Variants in NEDD4 observed in about 807,000 individuals in gnomAD.
NEDD4 encodes the protein NEDD4 E3 ubiquitin protein ligase.
In NEDD4, 99 loss-of-function variants were observed where a neutral mutation model predicts 144.9. The ratio of observed to expected loss-of-function variants is 0.68; its 90% CI spans 0.58 to 0.81. The LOEUF (loss-of-function observed/expected upper bound fraction) is 0.81. NEDD4 is among the 30% of genes least tolerant of loss of function. NEDD4 has a pLI of 0.00. For synonymous variants in NEDD4, 318 were observed against 350.6 expected, an observed-to-expected ratio of 0.91 and a Z score of 1.04; for missense variants, 985 against 1,065.9, an observed-to-expected ratio of 0.92 and a Z score of 1.06.
intron 4 of NEDD4, among the ~76,000 whole-genome samples, chr15:55,940,145 T>C (rs983622894): frequency 1.2e-4 from 18 of 152,216 alleles, no homozygotes; most frequent in Non-Finnish European, 2.1e-4. Flanking sequence ...TCACAAAAAG[T>C]ATCTAAAATA....
intron 5 of NEDD4, among the ~76,000 whole-genome samples, chr15:55,891,993 C>T (rs758359897): frequency 1.3e-5 from 2 of 151,954 alleles, no homozygotes; most frequent in Non-Finnish European, 1.5e-5. Flanking sequence ...AGGCTGGGCA[C>T]GGTGGCTCAT....
intron 2 of NEDD4, chr15:55,952,524 C>G (rs1271007058): frequency 1.1e-4 from 16 of 152,054 alleles, no homozygotes; most frequent in Admixed American, 9.2e-4. Flanking sequence ...CCACGAAGTA[C>G]CCTCCAAACT....
chr15:55,860,407 T>C lies in NEDD4; in HGVS notation c.960A>G (p.Ser320=), dbSNP rs1328475075. 4 of 1,613,898 alleles carry C rather than the reference T, an allele frequency of 2.5e-6. No individual in the cohort carries two copies. In the African/African-American group the frequency reaches 4.0e-5, roughly 16 times the overall value. The change falls in exon 11 of 29, where the codon TCA becomes TCG. Residue 320 remains serine (S), a splice_region_variant and synonymous_variant. Coordinates refer to ENST00000435532, the MANE Select transcript of NEDD4 (RefSeq NM_006154.4). ...NSAVSQPASS[S]NHSSRRGSLQ... is the part of the protein sequence containing the mutation. ...GTAACAAAATCTAAGAGCATCTTAC[T>C]GAGCTCGATGCTGGCTGGCTCACGG...
chr15:55,981,489 G>A (rs778393773), intron 1 of NEDD4, among the ~76,000 whole-genome samples: 9 of 152,012 alleles, frequency 5.9e-5, no homozygotes, highest in Non-Finnish European at 1.2e-4. Context: ...TATTTGAAAC[G>A]ATCTATAAAA....
chr15:55,898,116 A>G (rs534254728), intron 5 of NEDD4, among the ~76,000 whole-genome samples: 46 of 152,248 alleles, frequency 3.0e-4, no homozygotes, highest in Non-Finnish European at 5.7e-4. Flanking sequence ...ACCCCACTTA[A>G]TAGTTTAAGT....
At chr15:55,919,534 A>G (rs1239614529) in intron 5 of NEDD4, among the ~76,000 whole-genome samples, 4 of 152,200 alleles carry the variant, frequency 2.6e-5, no homozygotes, top group African/African-American at 9.7e-5. Flanking sequence ...TACTGCTATT[A>G]TAGCAGTTAC....
intron 8 of NEDD4, among the ~76,000 whole-genome samples, chr15:55,866,220 CT>C (rs199861047): frequency 1.7e-4 from 25 of 147,316 alleles, no homozygotes; most frequent in Admixed American, 5.4e-4. Context: ...AACCTTTCTT[CT>C]TTTTTTTTTT....
intron 5 of NEDD4, among the ~76,000 whole-genome samples, chr15:55,918,608 T>C (rs1207275945): frequency 2.0e-5 from 3 of 151,256 alleles, no homozygotes; most frequent in Admixed American, 2.0e-4. Context: ...CTGCTTAAGA[T>C]AGATCTGTTT....
chr15:55,937,044 C>G (rs913863682), intron 4 of NEDD4, among the ~76,000 whole-genome samples: 6 of 152,154 alleles, frequency 3.9e-5, no homozygotes, highest in Non-Finnish European at 7.3e-5. Flanking sequence ...CCACCCTCCT[C>G]GGCCTCCCAA....
rs2034027786 is a variant in NEDD4, at chr15:55,852,561, A to G, written c.1027-18T>C. On this transcript the variant is annotated intron_variant, in intron 12 of 28. Coordinates refer to ENST00000435532, the MANE Select transcript of NEDD4 (RefSeq NM_006154.4). ...GGCAAAAGCTAAAGTGAAGAATAACAGAAGAATTAAATACATCAAGTTTAA... is the reference window on the plus strand; with the variant it reads ...GGCAAAAGCTAAAGTGAAGAATAACGGAAGAATTAAATACATCAAGTTTAA... 2 of 1,611,292 alleles carry G rather than the reference A, an allele frequency of 1.2e-6. No homozygotes were observed. The highest frequency in any genetic ancestry group is 1.1e-5 in the South Asian group (1 of 91,010).
chr15:55,974,477 C>T (rs2142343987), intron 1 of NEDD4, among the ~76,000 whole-genome samples: 1 of 152,158 alleles, frequency 6.6e-6, no homozygotes, highest in African/African-American at 2.4e-5. Context: ...AAGAAAACTA[C>T]AGGCCAATAT....
At chr15:55,853,755 G>A (rs1401182374) in intron 12 of NEDD4, among the ~76,000 whole-genome samples, 3 of 152,190 alleles carry the variant, frequency 2.0e-5, no homozygotes, top group Admixed American at 6.5e-5. Context: ...TTTGGGGGCT[G>A]AGGTGGGCGG....
At chr15:55,934,659 AG>A (rs1319671464) in intron 4 of NEDD4, 1 of 152,008 alleles carries the variant, frequency 6.6e-6, no homozygotes, top group Non-Finnish European at 1.5e-5. Flanking sequence ...ACAGTAAAAA[AG>A]GATATATAGT....
At chr15:55,952,195 G>A (rs996736964) in intron 2 of NEDD4, among the ~76,000 whole-genome samples, 4 of 151,816 alleles carry the variant, frequency 2.6e-5, no homozygotes, top group Admixed American at 2.0e-4. Context: ...TTAGCCAGGC[G>A]TGGTGGCAGG....
chr15:55,860,478 G>A lies in NEDD4; in HGVS notation c.889C>T (p.Leu297Phe), dbSNP rs138400447. 1 of 1,614,170 alleles carries A rather than the reference G, an allele frequency of 6.2e-7. No individual in the cohort carries two copies. The highest frequency in any genetic ancestry group is 2.2e-5 in the East Asian group (1 of 44,878). The part of the protein sequence containing the change: ...PSSNLDVPTH[L>F]AEELNARLTI... ...AGTCTGGCATTCAATTCTTCTGCAAGATGAGTTGGAACATCCAAGTTACTT... is the reference window on the plus strand; with the variant it reads ...AGTCTGGCATTCAATTCTTCTGCAAAATGAGTTGGAACATCCAAGTTACTT... The change falls in exon 11 of 29, where the codon CTT becomes TTT. Residue 297 changes from leucine (L) to phenylalanine (F), a missense_variant. By Grantham distance (22) the Leu-to-Phe change is conservative (BLOSUM62 0). Coordinates refer to ENST00000435532, the MANE Select transcript of NEDD4 (RefSeq NM_006154.4).
At chr15:55,901,432 A>G (rs1257048178) in intron 5 of NEDD4, among the ~76,000 whole-genome samples, 1 of 152,176 alleles carries the variant, frequency 6.6e-6, no homozygotes, top group Non-Finnish European at 1.5e-5. Flanking sequence ...AATTTGCTGT[A>G]TAATTCTTAT....
At chr15:55,897,478 A>T (rs1038874883) in intron 5 of NEDD4, among the ~76,000 whole-genome samples, 1 of 152,210 alleles carries the variant, frequency 6.6e-6, no homozygotes, top group African/African-American at 2.4e-5. Flanking sequence ...AGAAGATGGT[A>T]TCAGATTTCC....
chr15:55,951,476 T>C (rs1183327495), intron 3 of NEDD4, 35 bp downstream of exon 3: 7 of 1,436,118 alleles, frequency 4.9e-6, no homozygotes, highest in Non-Finnish European at 6.5e-6. Context: ...TAAAACAAAG[T>C]ACATTAAAAA....
chr15:55,993,552 C>T lies in NEDD4; in HGVS notation c.4G>A (p.Ala2Thr), dbSNP rs748855662. The T allele has an allele frequency of 1.7e-5, 27 of 1,595,078 alleles. No individual in the cohort carries two copies. In the South Asian group the frequency reaches 2.8e-4, roughly 17 times the overall value. MATCAVEVFGLL... is the reference protein window; with the variant it reads MTTCAVEVFGLL... ...CCGAACACCTCCACCGCGCAAGTTG[C>T]CATTTCCGAACGCTTCCAGCAAACC... Residue 2 changes from alanine (A) to threonine (T), a missense_variant, in exon 1 of 29, where the codon GCA becomes ACA. By Grantham distance (58) the Ala-to-Thr change is moderately conservative. Coordinates refer to ENST00000435532, the MANE Select transcript of NEDD4 (RefSeq NM_006154.4).
Sources: gnomAD v4.1 joint callset for allele counts (sites outside exome capture counted in the v4.1 genomes callset) on GRCh38, gnomAD v4.1.1 for gene constraint, MANE v1.5 for transcripts, NCBI Gene and HGNC (gene_info 2026-07-23, HGNC 2026-07-21) for gene names.